ADAMTS17: variants seen among roughly 807,000 people sequenced by gnomAD.
The protein encoded by ADAMTS17 is A disintegrin and metalloproteinase with thrombospondin motifs 17.
In ADAMTS17, 113 loss-of-function variants were observed where a neutral mutation model predicts 141.5. That is an observed-to-expected ratio of 0.80 (90% CI 0.69 to 0.93). ADAMTS17 has a LOEUF of 0.93. Ranked by LOEUF, ADAMTS17 falls within the 40% of genes least tolerant of loss-of-function variation. The pLI is 0.00. For missense variants in ADAMTS17, 1,659 were observed against 1,517.9 expected (o/e 1.09, Z -1.54); for synonymous variants, 768 against 630.6 (o/e 1.22, Z -3.27).
intron 15 of ADAMTS17, among the ~76,000 whole-genome samples, chr15:100,081,759 T>C (rs2034752276): frequency 2.0e-5 from 3 of 152,252 alleles, no homozygotes. Flanking sequence ...TAGTATTTGC[T>C]AATCCATTTG....
intron 11 of ADAMTS17, among the ~76,000 whole-genome samples, chr15:100,132,558 G>T (rs1224996313): frequency 6.6e-6 from 1 of 152,248 alleles, no homozygotes; most frequent in African/African-American, 2.4e-5. Flanking sequence ...CGATGGCACA[G>T]CCAGCTCCAC....
chr15:100,051,608 T>C lies in ADAMTS17; in HGVS notation c.2419A>G (p.Ser807Gly). Reference sequence around the variant, plus strand: ...TGCACACTGCACCCTTCCCAGCCGCTGTGGGTCCAGATGAACAAAGAGTCC... The same window carrying C: ...TGCACACTGCACCCTTCCCAGCCGCCGTGGGTCCAGATGAACAAAGAGTCC... Reference protein sequence around the residue: ...PQDSLFIWTHSGWEGCSVQCG... With the variant: ...PQDSLFIWTHGGWEGCSVQCG... The change falls in exon 17 of 22, where the codon AGC (serine) becomes GGC (glycine). Residue 807 changes from serine to glycine, a missense_variant. By Grantham distance (56) the Ser-to-Gly change is moderately conservative. Transcript: ENST00000268070. 6.2e-7 allele frequency: 1 copy of C among 1,614,078 alleles called. No homozygotes were observed. Among genetic ancestry groups the C allele is most frequent in the Non-Finnish European group, 8.5e-7 (1 of 1,179,988 alleles).
intron 7 of ADAMTS17, among the ~76,000 whole-genome samples, chr15:100,231,817 C>A (rs1390217400): frequency 1.3e-5 from 2 of 151,226 alleles, no homozygotes; most frequent in African/African-American, 4.8e-5. Context: ...AGATTCGCCC[C>A]TGATTGTATT....
chr15:100,104,997 G>A (rs1567180278), intron 14 of ADAMTS17, among the ~76,000 whole-genome samples: 1 of 152,214 alleles, frequency 6.6e-6, no homozygotes, highest in African/African-American at 2.4e-5. Flanking sequence ...TTAAGAGTGG[G>A]CTGAGGTTAA....
intron 8 of ADAMTS17, among the ~76,000 whole-genome samples, chr15:100,176,948 C>T (rs1316911564): frequency 6.6e-6 from 1 of 152,220 alleles, no homozygotes; most frequent in African/African-American, 2.4e-5. Flanking sequence ...GCCCATAATT[C>T]ATTCATTTTT....
At chr15:100,269,102 A>T (rs959613032) in intron 4 of ADAMTS17, among the ~76,000 whole-genome samples, 3 of 152,192 alleles carry the variant, frequency 2.0e-5, no homozygotes, top group Non-Finnish European at 4.4e-5. Flanking sequence ...CTGGACCCCT[A>T]TTTTTCACCA....
chr15:100,130,910 C>T (rs34781901), intron 12 of ADAMTS17, among the ~76,000 whole-genome samples: 18,668 of 152,098 alleles, frequency 0.12, 1,338 homozygotes, highest in Admixed American at 0.2. Context: ...TAAAGACACA[C>T]GCAGCCATAT....
chr15:100,029,607 G>A (rs2029927124), intron 18 of ADAMTS17, among the ~76,000 whole-genome samples: 1 of 152,128 alleles, frequency 6.6e-6, no homozygotes, highest in Non-Finnish European at 1.5e-5. Flanking sequence ...TTAGGTCTCT[G>A]CTTTGTGGCT....
intron 16 of ADAMTS17, among the ~76,000 whole-genome samples, chr15:100,052,265 A>C (rs2141593085): frequency 6.6e-6 from 1 of 152,352 alleles, no homozygotes; most frequent in African/African-American, 2.4e-5. Flanking sequence ...GCTCAAGGGC[A>C]AAATGCAGCT....
intron 4 of ADAMTS17, among the ~76,000 whole-genome samples, chr15:100,278,977 C>G (rs12324888): frequency 0.13 from 20,138 of 152,136 alleles, 1,853 homozygotes; most frequent in African/African-American, 0.27. Context: ...CAGTCCTGGT[C>G]TCCTTTGTCC....
chr15:100,307,744 G>C (rs2045273504), intron 3 of ADAMTS17, among the ~76,000 whole-genome samples: 1 of 152,194 alleles, frequency 6.6e-6, no homozygotes, highest in African/African-American at 2.4e-5. Flanking sequence ...GCAGTGCCAG[G>C]TGTGGCTGGC....
chr15:100,150,445 G>C (rs925091281), intron 10 of ADAMTS17, among the ~76,000 whole-genome samples: 1 of 151,990 alleles, frequency 6.6e-6, no homozygotes, highest in Non-Finnish European at 1.5e-5. Context: ...ATCTCTCTTA[G>C]CTTCTATATT....
At chr15:100,141,136 G>C (rs1359127894) in intron 10 of ADAMTS17, among the ~76,000 whole-genome samples, 1 of 152,196 alleles carries the variant, frequency 6.6e-6, no homozygotes, top group Non-Finnish European at 1.5e-5. Flanking sequence ...CTACGCTTAC[G>C]GTTTGTCAAG....
rs2032341205 is a variant in ADAMTS17 at position 100,053,908 on chromosome 15, G to A, written c.2284C>T (p.Leu762=). The A allele has an allele frequency of 1.2e-6, 2 of 1,614,224 alleles. No homozygotes were observed. Among genetic ancestry groups the A allele is most frequent in the Non-Finnish European group, 1.7e-6 (2 of 1,180,042 alleles). The change falls in exon 16 of 22, where the codon CTG becomes TTG. Residue 762 remains leucine, a synonymous_variant. Coordinates refer to ENST00000268070, the MANE Select transcript of ADAMTS17 (RefSeq NM_139057.4). ...ISAKGPTKLP[L]HLMVLLFHDQ... is the part of the protein sequence containing the mutation. ...GCCCAGCAAGTTACCATCAAGTGCA[G>A]CGGTAGTTTGGTTGGTCCCTTGGCA...
chr15:100,122,589 C>A (rs941778253), intron 12 of ADAMTS17, among the ~76,000 whole-genome samples: 7 of 152,138 alleles, frequency 4.6e-5, no homozygotes, highest in Admixed American at 6.5e-5. Flanking sequence ...TTTTAACACC[C>A]CCAAAATTAA....
chr15:100,165,947 G>C (rs955391995), intron 8 of ADAMTS17, among the ~76,000 whole-genome samples: 2 of 151,656 alleles, frequency 1.3e-5, no homozygotes, highest in Admixed American at 6.6e-5. Context: ...TCTTCCCTAT[G>C]ATTTTAGCTT....
At chr15:100,234,294 A>T (rs1286587087) in intron 7 of ADAMTS17, among the ~76,000 whole-genome samples, 5 of 152,224 alleles carry the variant, frequency 3.3e-5, no homozygotes, top group Non-Finnish European at 7.3e-5. Flanking sequence ...ACCGTTTTCC[A>T]CGAGGCAGAC....
At chr15:100,337,518 A>G (rs1473221138) in intron 2 of ADAMTS17, among the ~76,000 whole-genome samples, 1 of 152,178 alleles carries the variant, frequency 6.6e-6, no homozygotes. Flanking sequence ...CTTCAAGGTG[A>G]CCTGGAACGC....
In ADAMTS17 at chr15:100,144,817, C is replaced by T. The variant is rs144091977; in HGVS notation, c.1473+7795G>A. Among the ~76,000 whole-genome samples, 352 of 151,812 alleles carry T rather than the reference C, an allele frequency of 2.3e-3. 1 individual carries two copies. Among genetic ancestry groups the T allele is most frequent in the African/African-American group, 7.8e-3 (321 of 41,366 alleles). ...ACCCCCGAGACCAGGGAGGCCTCTC[C>T]CTCCTGCCAGGGAACAGTGTGGGCT... On this transcript the variant is annotated intron_variant, in intron 10 of 21. Coordinates refer to ENST00000268070, the MANE Select transcript of ADAMTS17 (RefSeq NM_139057.4).
Sources: gnomAD v4.1 joint callset for allele counts (sites outside exome capture counted in the v4.1 genomes callset) on GRCh38, gnomAD v4.1.1 for gene constraint, MANE v1.5 for transcripts, NCBI Gene and HGNC (gene_info 2026-07-23, HGNC 2026-07-21) for gene names.